ILDR2: variants seen among roughly 807,000 people sequenced by gnomAD.
ILDR2 encodes immunoglobulin like domain containing receptor 2.
Under a neutral mutation model 66.8 loss-of-function variants are expected in ILDR2, and 25 were observed. That is an observed-to-expected ratio of 0.37 (90% CI 0.27 to 0.52). ILDR2 has a LOEUF of 0.52. Ranked by LOEUF, ILDR2 falls within the 20% of genes least tolerant of loss-of-function variation. The pLI is 0.88. For synonymous variants in ILDR2, 367 were observed against 357.2 expected, an observed-to-expected ratio of 1.03 and a Z score of -0.31; for missense variants, 827 against 876.8, an observed-to-expected ratio of 0.94 and a Z score of 0.72.
intron 3 of ILDR2, chr1:166,943,917 A>G (rs546619031): frequency 4.7e-6 from 4 of 853,342 alleles, no homozygotes; most frequent in African/African-American, 1.8e-5. Flanking sequence ...AGCTCAAACT[A>G]TCAGAGGAAA....
chr1:166,944,635 C>G (rs1029687656), intron 3 of ILDR2, among the ~76,000 whole-genome samples: 1 of 152,100 alleles, frequency 6.6e-6, no homozygotes, highest in Non-Finnish European at 1.5e-5. Flanking sequence ...TTTTTTACAC[C>G]TTTTTCTTGG....
chr1:166,956,653 G>A, intron 3 of ILDR2, 80 bp downstream of exon 3: 1 of 1,514,284 alleles, frequency 6.6e-7, no homozygotes, highest in Non-Finnish European at 9.0e-7. Context: ...TGCACACAGG[G>A]GAGAAGTGAG....
At position 166,897,624 on chromosome 1, in the gene ILDR2, C is replaced by A. The variant is rs74119508; in HGVS notation, n.172-1523G>T. 7.0e-3 allele frequency among the ~76,000 whole-genome samples: 1,059 copies of A among 152,282 alleles called. 11 individuals are homozygous for A. The highest frequency in any genetic ancestry group is 0.024 in the African/African-American group (1,017 of 41,552). On this transcript the variant is annotated intron_variant and non_coding_transcript_variant, in intron 2 of 2. Coordinates refer to the ILDR2 transcript ENST00000414590. ...TCAATCACATGGACAATAGTTCAAT[C>A]AATCATGCCTACTTAATGACACTCC... is the stretch of plus-strand genomic sequence containing the variant.
At chr1:166,973,774 G>A (rs186367412) in intron 1 of ILDR2, among the ~76,000 whole-genome samples, 2 of 152,072 alleles carry the variant, frequency 1.3e-5, no homozygotes, top group African/African-American at 2.4e-5. Context: ...GGGGAGCGGG[G>A]TGGCATGGAT....
intron 3 of ILDR2, among the ~76,000 whole-genome samples, chr1:166,946,476 T>C (rs894538000): frequency 2.0e-5 from 3 of 146,824 alleles, no homozygotes; most frequent in Non-Finnish European, 3.0e-5. Flanking sequence ...TGCTTTGAGG[T>C]TGGTTTTTTG....
chr1:166,897,956 T>C (rs1557918109), intron 2 of ILDR2, among the ~76,000 whole-genome samples: 1 of 152,154 alleles, frequency 6.6e-6, no homozygotes, highest in Non-Finnish European at 1.5e-5. Flanking sequence ...TGGGAACCCT[T>C]GAGCTTGCAG....
chr1:166,932,830 G>A (rs1352720034), intron 6 of ILDR2, among the ~76,000 whole-genome samples: 2 of 152,182 alleles, frequency 1.3e-5, no homozygotes, highest in African/African-American at 2.4e-5. Context: ...TAAAATTGAA[G>A]TAGTATATAA....
intron 1 of ILDR2, among the ~76,000 whole-genome samples, chr1:166,967,367 C>T (rs1427565306): frequency 6.6e-6 from 1 of 152,056 alleles, no homozygotes; most frequent in Non-Finnish European, 1.5e-5. Flanking sequence ...TTAGTTATAG[C>T]AGCTTAGGCT....
At chr1:166,963,335 T>C (rs371667811) in intron 1 of ILDR2, among the ~76,000 whole-genome samples, 1 of 152,242 alleles carries the variant, frequency 6.6e-6, no homozygotes, top group African/African-American at 2.4e-5. Flanking sequence ...CAAAATCCTA[T>C]AAAGTAGGCA....
intron 1 of ILDR2, among the ~76,000 whole-genome samples, chr1:166,973,619 C>CG (rs201576473): frequency 0.13 from 16,797 of 126,998 alleles, 3,638 homozygotes; most frequent in African/African-American, 0.41. Context: ...CCCTCCCCCC[C>CG]CCCCCCGATG....
chr1:166,903,445 C>G (rs1412274551), downstream of ILDR2, among the ~76,000 whole-genome samples: 1 of 152,204 alleles, frequency 6.6e-6, no homozygotes, highest in Non-Finnish European at 1.5e-5. Flanking sequence ...AGTAATTTCC[C>G]TTCAGTCAAG....
At chr1:166,969,745 A>T (rs1192115563) in intron 1 of ILDR2, among the ~76,000 whole-genome samples, 1 of 152,244 alleles carries the variant, frequency 6.6e-6, no homozygotes, top group Non-Finnish European at 1.5e-5. Flanking sequence ...CACCTAAATC[A>T]GGAGTTACAG....
Position 166,956,811 on chromosome 1 carries a change from C to T in ILDR2, c.421G>A (p.Gly141Arg), listed in dbSNP as rs1359594941. The change falls in exon 3 of 10, where the codon GGA becomes AGA. Residue 141 changes from glycine to arginine, a missense_variant. By Grantham distance (125) the Gly-to-Arg change is moderately radical (BLOSUM62 -2). Transcript: ENST00000271417. ...QIGKLMWGDS[G>R]LYYCIITTPD... ...GTGGTGATAATACAGTAATAGAGTC[C>T]GCTGTCTCCCCACATAAGCTTTCCA... is the stretch of plus-strand genomic sequence containing the variant. The T allele has an allele frequency of 6.2e-7, 1 of 1,613,918 alleles. No homozygotes were observed. Among genetic ancestry groups the T allele is most frequent in the Non-Finnish European group, 8.5e-7 (1 of 1,179,866 alleles).
intron 3 of ILDR2, among the ~76,000 whole-genome samples, chr1:166,952,992 T>C (rs1397000272): frequency 6.6e-6 from 1 of 152,226 alleles, no homozygotes; most frequent in African/African-American, 2.4e-5. Context: ...CTACAACTTA[T>C]TTTCAGTGTA....
At chr1:166,944,067 C>T (rs958199195) in intron 3 of ILDR2, among the ~76,000 whole-genome samples, 3 of 152,154 alleles carry the variant, frequency 2.0e-5, no homozygotes, top group Admixed American at 1.3e-4. Flanking sequence ...AGTGCCAGTT[C>T]CATATCATAC....
chr1:166,913,271 A>C lies in ILDR2; in HGVS notation c.*6084T>G, dbSNP rs76018740. 6.6e-6 allele frequency: 1 copy of C among 151,702 alleles called. No homozygotes were observed. The highest frequency in any genetic ancestry group is 1.9e-4 in the East Asian group (1 of 5,184). The allele number at this position is 151,702 out of a possible 1,614,324, so 9.4% of individuals were successfully genotyped here. A position where few individuals can be genotyped will look rare whatever the true frequency, so the allele number is the denominator to read the frequency against. On this transcript the variant is annotated 3_prime_UTR_variant, in exon 10 of 10. Coordinates refer to ENST00000271417, the MANE Select transcript of ILDR2 (RefSeq NM_199351.3). The stretch of plus-strand genomic sequence containing the variant: ...AATTCAATTTGTATGTCTGACACAG[A>C]AAAAAAAAGTCATGGACAACAGTAA...
chr1:166,902,416 T>C (rs1430112315), intron 2 of ILDR2, among the ~76,000 whole-genome samples: 1 of 152,236 alleles, frequency 6.6e-6, no homozygotes, highest in African/African-American at 2.4e-5. Context: ...TCCAGGCCTA[T>C]TCCTTATTCA....
chr1:166,939,665 C>T (rs72707831), intron 3 of ILDR2, 95 bp from the exon 4 acceptor site: 17 of 958,968 alleles, frequency 1.8e-5, no homozygotes, highest in East Asian at 1.5e-4. Context: ...TCCACACGTG[C>T]GGCCATTAGT....
chr1:166,959,006 A>G (rs1662451578), intron 1 of ILDR2, among the ~76,000 whole-genome samples: 1 of 152,146 alleles, frequency 6.6e-6, no homozygotes, highest in African/African-American at 2.4e-5. Context: ...CACCTCTTGA[A>G]ACACCTCTCT....
Sources: allele counts gnomAD v4.1 joint callset (sites outside exome capture counted in the v4.1 genomes callset), GRCh38; gene constraint gnomAD v4.1.1; transcripts MANE v1.5; gene names NCBI Gene and HGNC (gene_info 2026-07-23, HGNC 2026-07-21).